Variants in ST8SIA1 observed in about 807,000 individuals in gnomAD.
ST8SIA1 encodes the protein alpha-N-acetylneuraminide alpha-2,8-sialyltransferase.
Under a neutral mutation model 35.9 loss-of-function variants are expected in ST8SIA1, and 16 were observed. That is an observed-to-expected ratio of 0.45 (90% CI 0.30 to 0.68). ST8SIA1 has a LOEUF of 0.68. Ranked by LOEUF, ST8SIA1 falls within the 30% of genes least tolerant of loss-of-function variation. The pLI, the probability that ST8SIA1 is intolerant of heterozygous loss-of-function variation, is 0.09. For missense variants in ST8SIA1, 383 were observed against 453.6 expected (o/e 0.84, Z 1.41); for synonymous variants, 170 against 169.6 (o/e 1.00, Z -0.02).
intron 1 of ST8SIA1, among the ~76,000 whole-genome samples, chr12:22,318,603 T>A (rs1866547300): frequency 6.6e-6 from 1 of 152,114 alleles, no homozygotes; most frequent in South Asian, 2.1e-4. Context: ...CTGGGATGAA[T>A]CAGAGATGTC....
At chr12:22,330,347 A>G (rs555990319) in intron 1 of ST8SIA1, among the ~76,000 whole-genome samples, 1 of 152,340 alleles carries the variant, frequency 6.6e-6, no homozygotes, top group East Asian at 1.9e-4. Context: ...GGCGCTGTCT[A>G]TATGCTATCA....
At chr12:22,253,172 A>G (rs1865692774) in intron 3 of ST8SIA1, among the ~76,000 whole-genome samples, 1 of 152,210 alleles carries the variant, frequency 6.6e-6, no homozygotes, top group Non-Finnish European at 1.5e-5. Context: ...GCTGGGCCCC[A>G]GCAAGGGTAA....
chr12:22,289,618 C>T (rs897305311), intron 1 of ST8SIA1, among the ~76,000 whole-genome samples: 5 of 152,170 alleles, frequency 3.3e-5, no homozygotes, highest in Non-Finnish European at 7.3e-5. Flanking sequence ...TCTCAGGTCA[C>T]GTAACTAGGG....
chr12:22,256,853 A>G (rs964730415), intron 2 of ST8SIA1, among the ~76,000 whole-genome samples: 1 of 152,240 alleles, frequency 6.6e-6, no homozygotes, highest in African/African-American at 2.4e-5. Context: ...ACATCAGAAC[A>G]GATCCAGAGA....
chr12:22,245,007 C>A (rs1865584044), intron 4 of ST8SIA1, among the ~76,000 whole-genome samples: 1 of 152,134 alleles, frequency 6.6e-6, no homozygotes, highest in South Asian at 2.1e-4. Flanking sequence ...GTTGGTTTAT[C>A]CTTGCACCAG....
intron 4 of ST8SIA1, among the ~76,000 whole-genome samples, chr12:22,243,379 C>G (rs17702940): frequency 0.017 from 2,633 of 151,492 alleles, 58 homozygotes; most frequent in Admixed American, 0.07. Flanking sequence ...AATAAAATAT[C>G]TAATATAAAT....
chr12:22,202,910 C>T (rs927125482), intron 4 of ST8SIA1, among the ~76,000 whole-genome samples: 3 of 152,272 alleles, frequency 2.0e-5, no homozygotes, highest in Admixed American at 2.0e-4. Context: ...GAGGCAATGA[C>T]AAGGATTCCC....
intron 1 of ST8SIA1, among the ~76,000 whole-genome samples, chr12:22,333,639 A>G (rs1397927049): frequency 6.6e-6 from 1 of 152,268 alleles, no homozygotes; most frequent in Non-Finnish European, 1.5e-5. Context: ...AAATGTCTGC[A>G]GAGCCCAAGA....
chr12:22,229,108 A>AT (rs1865388515), intron 4 of ST8SIA1, among the ~76,000 whole-genome samples: 1 of 150,512 alleles, frequency 6.6e-6, no homozygotes, highest in South Asian at 2.1e-4. Flanking sequence ...TTGACTCTGG[A>AT]TTTTAAAGAC....
At chr12:22,240,754 T>C (rs1865531196) in intron 4 of ST8SIA1, among the ~76,000 whole-genome samples, 1 of 152,144 alleles carries the variant, frequency 6.6e-6, no homozygotes, top group Admixed American at 6.5e-5. Flanking sequence ...ACATTCTCAA[T>C]TCCCTTTATT....
At chr12:22,268,223 A>G (rs1003354049) in intron 2 of ST8SIA1, among the ~76,000 whole-genome samples, 1 of 152,224 alleles carries the variant, frequency 6.6e-6, no homozygotes, top group Non-Finnish European at 1.5e-5. Context: ...AATGCAGCAA[A>G]CCTGTTCCCT....
rs1314078444 is a variant in ST8SIA1 at position 22,193,685 on chromosome 12, C to G, written c.*7867G>C. On this transcript the variant is annotated 3_prime_UTR_variant, in exon 5 of 5. Coordinates refer to ENST00000396037, the MANE Select transcript of ST8SIA1 (RefSeq NM_003034.4). ...CTGCAACATTTTAGATGAAACTCTA[C>G]AAAAAGAATTGAGCACACTGATTTT... The G allele has an allele frequency of 6.6e-6, 1 of 152,078 alleles. No homozygotes were observed. The highest frequency in any genetic ancestry group is 1.5e-5 in the Non-Finnish European group (1 of 67,986). The allele number at this position is 152,078 out of a possible 1,614,324, so 9.4% of individuals were successfully genotyped here. A position where few individuals can be genotyped will look rare whatever the true frequency, so the allele number is the denominator to read the frequency against.
intron 2 of ST8SIA1, among the ~76,000 whole-genome samples, chr12:22,282,311 G>A (rs991056057): frequency 6.6e-6 from 1 of 152,090 alleles, no homozygotes; most frequent in Non-Finnish European, 1.5e-5. Flanking sequence ...AATAATAACA[G>A]CCACACAGAG....
At chr12:22,256,920 G>C (rs779148364) in intron 2 of ST8SIA1, among the ~76,000 whole-genome samples, 7 of 152,198 alleles carry the variant, frequency 4.6e-5, no homozygotes, top group Non-Finnish European at 7.3e-5. Context: ...ACATCAGTTA[G>C]AGCTATAATT....
At chr12:22,281,683 CT>C (rs1294724667) in intron 2 of ST8SIA1, among the ~76,000 whole-genome samples, 2 of 152,014 alleles carry the variant, frequency 1.3e-5, no homozygotes, top group African/African-American at 2.4e-5. Context: ...TCCCAAAAAG[CT>C]GCAAAAGAAA....
intron 1 of ST8SIA1, among the ~76,000 whole-genome samples, chr12:22,307,769 T>A (rs1389789335): frequency 6.6e-6 from 1 of 152,228 alleles, no homozygotes; most frequent in African/African-American, 2.4e-5. Flanking sequence ...ACTATCTTCA[T>A]TCTTACAAGT....
At chr12:22,249,255 G>T (rs1269846732) in intron 3 of ST8SIA1, among the ~76,000 whole-genome samples, 157 bp from the exon 4 acceptor site, 4 of 134,554 alleles carry the variant, frequency 3.0e-5, no homozygotes, top group African/African-American at 5.5e-5. Flanking sequence ...GTCTCGCTCT[G>T]TTGCCCAGGC....
At chr12:22,223,702 G>A (rs1481994110) in intron 4 of ST8SIA1, 4 of 1,236,000 alleles carry the variant, frequency 3.2e-6, no homozygotes, top group Non-Finnish European at 3.1e-6. Context: ...TCTGTCATTT[G>A]GCTTTTGGAG....
At chr12:22,318,397 C>T (rs868651460) in intron 1 of ST8SIA1, among the ~76,000 whole-genome samples, 1 of 152,206 alleles carries the variant, frequency 6.6e-6, no homozygotes. Flanking sequence ...GTATGGCTGG[C>T]ATCTTTTCTA....
Sources: allele counts gnomAD v4.1 joint callset (sites outside exome capture counted in the v4.1 genomes callset), GRCh38; gene constraint gnomAD v4.1.1; transcripts MANE v1.5; gene names NCBI Gene and HGNC (gene_info 2026-07-23, HGNC 2026-07-21).